The following PADI2 variants were observed in gnomAD, a reference collection of about 807,000 sequenced individuals.
PADI2 encodes protein-arginine deiminase type-2.
Under a neutral mutation model 81.1 loss-of-function variants are expected in PADI2, and 70 were observed. That is an observed-to-expected ratio of 0.86 (90% confidence interval 0.71 to 1.05). The LOEUF is 1.05. Among genes scored for constraint, PADI2 ranks in the 50% least tolerant of loss-of-function variants. The pLI, the probability that PADI2 is intolerant of heterozygous loss-of-function variation, is 0.00. For missense variants in PADI2, 853 were observed against 889.9 expected (o/e 0.96, Z 0.53); for synonymous variants, 338 against 358.0 (o/e 0.94, Z 0.63).
intron 10 of PADI2, among the ~76,000 whole-genome samples, chr1:17,080,627 G>T (rs2078337532): frequency 2.0e-5 from 3 of 152,176 alleles, no homozygotes; most frequent in Non-Finnish European, 2.9e-5. Context: ...TCTCAACCCA[G>T]TCTCAACCTG....
chr1:17,109,389 T>TAAA (rs566123530), intron 1 of PADI2, among the ~76,000 whole-genome samples: 4 of 50,070 alleles, frequency 8.0e-5, no homozygotes, highest in Non-Finnish European at 1.4e-4. Flanking sequence ...CTCTGTCTAT[T>TAAA]AAAAAAAAAA....
At chr1:17,092,350 A>C in intron 6 of PADI2, 58 bp downstream of exon 6, 1 of 1,459,938 alleles carries the variant, frequency 6.8e-7, no homozygotes, top group Non-Finnish European at 9.3e-7. Context: ...ACAACTGCTA[A>C]GGGGAGGAGG....
At chr1:17,069,669 ATG>A (rs776193110) in intron 15 of PADI2, among the ~76,000 whole-genome samples, 89 of 152,062 alleles carry the variant, frequency 5.9e-4, no homozygotes, top group Non-Finnish European at 9.9e-4. Flanking sequence ...TTCTGTGTGC[ATG>A]TGTGTGTATA....
In PADI2 at chr1:17,104,011, G is replaced by A. The variant is rs570014154; in HGVS notation, c.276+867C>T. Among the ~76,000 whole-genome samples the A allele has an allele frequency of 1.9e-4, 28 of 150,714 alleles. No individual in the cohort carries two copies. In the Middle Eastern group the frequency reaches 0.014, roughly 76 times the overall value. ...AAAAACAAACAAACAGGCCGGCCGC[G>A]GTGGCTCACGCCTGTAATCCCAGCA... On this transcript the variant is annotated intron_variant, in intron 2 of 15. Coordinates refer to ENST00000375486, the MANE Select transcript of PADI2 (RefSeq NM_007365.3).
chr1:17,087,563 T>A (rs1930518680), intron 6 of PADI2, among the ~76,000 whole-genome samples: 1 of 152,066 alleles, frequency 6.6e-6, no homozygotes, highest in African/African-American at 2.4e-5. Flanking sequence ...TGCAGTGGCA[T>A]GATCCTGGCT....
chr1:17,098,258 T>C (rs1036767390), intron 3 of PADI2, among the ~76,000 whole-genome samples: 1 of 152,160 alleles, frequency 6.6e-6, no homozygotes, highest in Non-Finnish European at 1.5e-5. Flanking sequence ...TTGAAGGTCA[T>C]TCCCAGAGGA....
intron 3 of PADI2, among the ~76,000 whole-genome samples, chr1:17,097,727 C>T (rs1930988791): frequency 1.3e-5 from 2 of 151,076 alleles, no homozygotes; most frequent in South Asian, 2.1e-4. Context: ...AGGATAAGGA[C>T]CCCAGGGGAA....
chr1:17,092,568 C>A, intron 5 of PADI2, 35 bp from the exon 6 acceptor site: 4 of 1,537,980 alleles, frequency 2.6e-6, no homozygotes, highest in South Asian at 2.5e-5. Context: ...AGAGATCTAT[C>A]TGTTGCTGGA....
At chr1:17,076,990 C>T (rs35004594) in intron 11 of PADI2, among the ~76,000 whole-genome samples, 90,762 of 151,788 alleles carry the variant, frequency 0.6, 27,537 homozygotes, top group Middle Eastern at 0.7. Flanking sequence ...GGCTCCTGGC[C>T]AGCCCTCCTC....
chr1:17,092,652 A>G (rs780238161), intron 5 of PADI2, 119 bp from the exon 6 acceptor site: 105 of 928,162 alleles, frequency 1.1e-4, no homozygotes, highest in Non-Finnish European at 1.6e-4. Flanking sequence ...TGGAAACTAT[A>G]GAAAAGCATA....
chr1:17,091,474 C>G (rs769900832), intron 6 of PADI2, among the ~76,000 whole-genome samples: 5 of 152,140 alleles, frequency 3.3e-5, no homozygotes, highest in Non-Finnish European at 2.9e-5. Flanking sequence ...CAAACCCAGT[C>G]TGCATGCTCT....
intron 1 of PADI2, among the ~76,000 whole-genome samples, chr1:17,112,452 T>G (rs2100215226): frequency 6.6e-6 from 1 of 152,186 alleles, no homozygotes; most frequent in African/African-American, 2.4e-5. Context: ...CAGCTGGGGC[T>G]CATCCCCAGA....
chr1:17,119,185 G>T lies in PADI2; in HGVS notation c.92+95C>A. ...GGGCTCGGGATGAGGGACAACTCGGGCTGGACAAAGGCTGTCCACGTCCCC... is the reference window on the plus strand; with the variant it reads ...GGGCTCGGGATGAGGGACAACTCGGTCTGGACAAAGGCTGTCCACGTCCCC... On this transcript the variant is annotated intron_variant, in intron 1 of 15. Transcript: ENST00000375486. The surrounding 1 kb of genome is among the most constrained non-coding windows in gnomAD (Gnocchi z 4.8). 1 of 859,566 alleles carries T rather than the reference G, an allele frequency of 1.2e-6. No individual in the cohort carries two copies. The highest frequency in any genetic ancestry group is 1.8e-6 in the Non-Finnish European group (1 of 568,448). The allele number at this position is 859,566 out of a possible 1,614,324, so 53.2% of individuals were successfully genotyped here.
chr1:17,119,254 C>A lies in PADI2; in HGVS notation c.92+26G>T. 6.8e-7 allele frequency: 1 copy of A among 1,463,268 alleles called. No individual in the cohort carries two copies. The highest frequency in any genetic ancestry group is 9.2e-7 in the Non-Finnish European group (1 of 1,087,088). The allele number at this position is 1,463,268 out of a possible 1,614,324, so 90.6% of individuals were successfully genotyped here. On this transcript the variant is annotated intron_variant, in intron 1 of 15. Transcript: ENST00000375486. This position sits in a 1 kb window ranked among gnomAD's most constrained non-coding sequence, Gnocchi z 4.8. ...GGATTTCTGGGCTCGAGATCTCGGCCCGGGCATCACGGTGGGCCGGCTCAC... is the reference window on the plus strand; with the variant it reads ...GGATTTCTGGGCTCGAGATCTCGGCACGGGCATCACGGTGGGCCGGCTCAC...
chr1:17,084,773 G>T, intron 7 of PADI2, 71 bp from the exon 8 acceptor site: 1 of 925,292 alleles, frequency 1.1e-6, no homozygotes, highest in Non-Finnish European at 1.7e-6. Flanking sequence ...GCCTTTCAAA[G>T]CGGGTGAAAC....
chr1:17,109,789 C>A (rs1931510136), intron 1 of PADI2, among the ~76,000 whole-genome samples: 1 of 152,164 alleles, frequency 6.6e-6, no homozygotes, highest in African/African-American at 2.4e-5. Flanking sequence ...CCATGCCTGA[C>A]CCAGAGCCAC....
chr1:17,084,700 G>T lies in PADI2; in HGVS notation c.837C>A (p.Asp279Glu). The T allele has an allele frequency of 6.4e-7, 1 of 1,551,782 alleles. No homozygotes were observed. Among genetic ancestry groups the T allele is most frequent in the Non-Finnish European group, 8.7e-7 (1 of 1,146,220 alleles). ...CCGTGAAGATGGGAGTCAGGGGAAT[G>T]TCCTGGGTGTGGGAGACAAGGCGTG... ...HVSLLEYMAQDIPLTPIFTDT... is the reference protein window; with the variant it reads ...HVSLLEYMAQEIPLTPIFTDT... Residue 279 changes from aspartate to glutamate, a missense_variant and splice_region_variant, in exon 8 of 16, where the codon GAC becomes GAA. Transcript: ENST00000375486.
At chr1:17,086,015 C>A (rs998403943) in intron 7 of PADI2, among the ~76,000 whole-genome samples, 8 of 152,244 alleles carry the variant, frequency 5.3e-5, no homozygotes, top group Non-Finnish European at 1.0e-4. Flanking sequence ...AAAGCAAGAG[C>A]AAGGCTGGCT....
intron 6 of PADI2, 29 bp downstream of exon 6, chr1:17,092,379 C>T: frequency 6.4e-7 from 1 of 1,574,446 alleles, no homozygotes; most frequent in Non-Finnish European, 8.6e-7. Flanking sequence ...CTAGAAAGGT[C>T]TAGGCTGGAC....
Sources: allele counts gnomAD v4.1 joint callset (sites outside exome capture counted in the v4.1 genomes callset), GRCh38; gene constraint gnomAD v4.1.1; non-coding constraint Gnocchi (gnomAD v3.1); transcripts MANE v1.5; gene names NCBI Gene and HGNC (gene_info 2026-07-23, HGNC 2026-07-21).